PPFIA2: variants seen among roughly 807,000 people sequenced by gnomAD.
PPFIA2 encodes liprin-alpha-2.
In PPFIA2, 46 loss-of-function variants were observed where a neutral mutation model predicts 175.5. The observed-to-expected ratio is 0.26, with a 90% CI of 0.21 to 0.34. The LOEUF is 0.34. Ranked by LOEUF, PPFIA2 falls within the 10% of genes least tolerant of loss-of-function variation. PPFIA2 has a pLI of 1.00. For missense variants in PPFIA2, 1,179 were observed against 1,506.1 expected (o/e 0.78, Z 3.60); for synonymous variants, 568 against 511.4 (o/e 1.11, Z -1.49).
intron 7 of PPFIA2, among the ~76,000 whole-genome samples, chr12:81,407,334 T>A (rs1013560924): frequency 2.6e-5 from 4 of 151,650 alleles, no homozygotes; most frequent in East Asian, 3.9e-4. Flanking sequence ...AATATAAAAA[T>A]TAGCCGGGCG....
chr12:81,670,954 C>T (rs2222886), intron 4 of PPFIA2, among the ~76,000 whole-genome samples: 139,434 of 152,032 alleles, frequency 0.92, 64,124 homozygotes, highest in East Asian at 1. Context: ...TGAACTCTCT[C>T]ATCTTATAAC....
At chr12:81,503,829 T>C (rs2060848611) in intron 4 of PPFIA2, among the ~76,000 whole-genome samples, 1 of 152,060 alleles carries the variant, frequency 6.6e-6, no homozygotes, top group African/African-American at 2.4e-5. Context: ...CTACAATGTA[T>C]GAAAAACTGG....
intron 20 of PPFIA2, 105 bp downstream of exon 20, chr12:81,340,973 C>A: frequency 8.1e-7 from 1 of 1,228,338 alleles, no homozygotes; most frequent in Non-Finnish European, 1.1e-6. Context: ...AGAATTCTGG[C>A]TCAAATAATG....
chr12:81,527,048 A>C (rs565055567), intron 4 of PPFIA2, among the ~76,000 whole-genome samples: 2 of 152,282 alleles, frequency 1.3e-5, no homozygotes, highest in Non-Finnish European at 2.9e-5. Context: ...GGTGATGGCA[A>C]GGAGGATTAA....
chr12:81,297,398 T>C (rs1005323330), intron 23 of PPFIA2, among the ~76,000 whole-genome samples: 3 of 151,944 alleles, frequency 2.0e-5, no homozygotes, highest in Non-Finnish European at 4.4e-5. Context: ...ACTATTTGTC[T>C]CTTTTGAAAA....
Position 81,445,486 on chromosome 12 carries a change from G to C in PPFIA2, c.570+70C>G, listed in dbSNP as rs2051088676. The C allele has an allele frequency of 2.1e-6, 3 of 1,459,430 alleles. No individual in the cohort carries two copies. The South Asian group carries it at 4.0e-5, about 20-fold the overall frequency. 90.4% of individuals were successfully genotyped at this position (1,459,430 alleles called of 1,614,324 possible). A position where few individuals can be genotyped will look rare whatever the true frequency, so the allele number is the denominator to read the frequency against. On this transcript the variant is annotated intron_variant, in intron 6 of 32. Coordinates refer to ENST00000549396, the MANE Select transcript of PPFIA2 (RefSeq NM_003625.5). ...ACTTTAGGAGTCAGGTGAGTCAATG[G>C]ATGAAGACAAAGAGCTTGATGCTGA...
chr12:81,387,649 G>T (rs2039275745), intron 8 of PPFIA2, among the ~76,000 whole-genome samples: 1 of 152,066 alleles, frequency 6.6e-6, no homozygotes, highest in African/African-American at 2.4e-5. Context: ...TCTTATGGTG[G>T]TCTAGTTACT....
intron 4 of PPFIA2, among the ~76,000 whole-genome samples, chr12:81,617,543 C>A (rs996889933): frequency 3.9e-5 from 6 of 152,292 alleles, no homozygotes; most frequent in African/African-American, 1.4e-4. Context: ...ACATGTAGAT[C>A]AGGCCACTCC....
rs1399162970 is a variant in PPFIA2, at chr12:81,259,463, A to G, written c.*231T>C. Reference sequence around the variant, plus strand: ...GATGTAGATGATGTTTATTATTCAAATGACTTAAGCATTTTATTACAATTT... The same window carrying G: ...GATGTAGATGATGTTTATTATTCAAGTGACTTAAGCATTTTATTACAATTT... On this transcript the variant is annotated 3_prime_UTR_variant, in exon 33 of 33. Transcript: ENST00000549396. The G allele has an allele frequency of 7.4e-6, 5 of 675,362 alleles. No homozygotes were observed. Among genetic ancestry groups the G allele is most frequent in the East Asian group, 2.7e-5 (1 of 36,376 alleles). The allele number at this position is 675,362 out of a possible 1,614,324, so 41.8% of individuals were successfully genotyped here.
intron 32 of PPFIA2, 179 bp from the exon 33 acceptor site, chr12:81,259,839 A>C (rs2136054137): frequency 2.2e-6 from 1 of 449,630 alleles, no homozygotes; most frequent in African/African-American, 2.0e-5. Context: ...GCTTTTCTCC[A>C]ATTTGGTGCA....
chr12:81,542,219 G>A (rs898474457), intron 4 of PPFIA2, among the ~76,000 whole-genome samples: 1 of 152,034 alleles, frequency 6.6e-6, no homozygotes, highest in Non-Finnish European at 1.5e-5. Flanking sequence ...CAGGCAATGA[G>A]ACCATGCAAG....
chr12:81,375,961 A>T lies in PPFIA2; in HGVS notation c.985-19T>A. 6.3e-7 allele frequency: 1 copy of T among 1,596,290 alleles called. No homozygotes were observed. Among genetic ancestry groups the T allele is most frequent in the Non-Finnish European group, 8.5e-7 (1 of 1,169,674 alleles). ...CCATGGCCTACAATTAAAATAATTT[A>T]GAAAAAGCAAATCAGATTCTCAGAT... On this transcript the variant is annotated intron_variant, in intron 9 of 32. Transcript: ENST00000549396.
intron 4 of PPFIA2, among the ~76,000 whole-genome samples, chr12:81,591,160 T>C (rs2058632507): frequency 9.6e-6 from 1 of 104,512 alleles, no homozygotes. Context: ...TTGTTATGTT[T>C]TAGCAAAGAG....
At chr12:81,436,401 C>G (rs986353342) in intron 7 of PPFIA2, among the ~76,000 whole-genome samples, 1 of 139,714 alleles carries the variant, frequency 7.2e-6, no homozygotes, top group African/African-American at 2.6e-5. Flanking sequence ...GACTTTTGCT[C>G]TGGTTCCTGA....
intron 7 of PPFIA2, among the ~76,000 whole-genome samples, chr12:81,435,600 A>G (rs1030872597): frequency 6.6e-6 from 1 of 151,706 alleles, no homozygotes; most frequent in African/African-American, 2.4e-5. Context: ...GAGAGAGAGA[A>G]AGAGACTCTA....
intron 4 of PPFIA2, among the ~76,000 whole-genome samples, chr12:81,661,850 T>C (rs1439251288): frequency 2.6e-5 from 4 of 152,162 alleles, no homozygotes; most frequent in Non-Finnish European, 5.9e-5. Context: ...ACAAACTGTC[T>C]CTCAGACCAC....
At chr12:81,260,892 T>C (rs1436376260) in intron 32 of PPFIA2, 1 of 152,190 alleles carries the variant, frequency 6.6e-6, no homozygotes, top group Non-Finnish European at 1.5e-5. Context: ...AGCATAGTTT[T>C]AGGTTGAAAA....
rs530493894 is a variant in PPFIA2, at chr12:81,550,809, C to T, written c.304-92943G>A. ...TTAAGGGGGAAGACCAGTGGACTAACGACTGAACTCTGGGGGGAAAATCTA... is the reference window on the plus strand; with the variant it reads ...TTAAGGGGGAAGACCAGTGGACTAATGACTGAACTCTGGGGGGAAAATCTA... On this transcript the variant is annotated intron_variant, in intron 4 of 32. Transcript: ENST00000549396. 1.5e-4 allele frequency among the ~76,000 whole-genome samples: 22 copies of T among 151,718 alleles called. 1 individual carries two copies. The highest frequency in any genetic ancestry group is 4.8e-4 in the African/African-American group (20 of 41,438).
At chr12:81,439,276 AATAT>A (rs375655616) in intron 7 of PPFIA2, among the ~76,000 whole-genome samples, 1 of 147,970 alleles carries the variant, frequency 6.8e-6, no homozygotes, top group Admixed American at 6.8e-5. Flanking sequence ...TTCAGGGATA[AATAT>A]ATATATATAT....
Sources: allele counts gnomAD v4.1 joint callset (sites outside exome capture counted in the v4.1 genomes callset), GRCh38; gene constraint gnomAD v4.1.1; transcripts MANE v1.5; gene names NCBI Gene and HGNC (gene_info 2026-07-23, HGNC 2026-07-21).